The following SGCD variants were observed in gnomAD, a reference collection of about 807,000 sequenced individuals.
SGCD encodes sarcoglycan delta, also known as delta-sarcoglycan.
In SGCD, 18 loss-of-function variants were observed where a neutral mutation model predicts 36.6. That is an observed-to-expected ratio of 0.49 (90% confidence interval 0.34 to 0.73). The LOEUF (loss-of-function observed/expected upper bound fraction) is 0.73, where lower values mean the gene tolerates loss of function less well. Ranked by LOEUF, SGCD falls within the 30% of genes least tolerant of loss-of-function variation. The pLI, the probability that SGCD is intolerant of heterozygous loss-of-function variation, is 0.01. For synonymous variants in SGCD, 133 were observed against 130.6 expected (o/e 1.02, Z -0.12); for missense variants, 387 against 346.7 (o/e 1.12, Z -0.92).
chr5:156,480,480 C>G (rs1052874147), intron 3 of SGCD, among the ~76,000 whole-genome samples: 1 of 152,120 alleles, frequency 6.6e-6, no homozygotes, highest in African/African-American at 2.4e-5. Flanking sequence ...CTAATTAAAC[C>G]AACTTATTTC....
chr5:156,695,502 TA>T (rs1255183440), intron 7 of SGCD, among the ~76,000 whole-genome samples: 8 of 114,576 alleles, frequency 7.0e-5, no homozygotes, highest in Non-Finnish European at 1.1e-4. Context: ...GATAGATAGA[TA>T]GATAGATGGA....
intron 6 of SGCD, among the ~76,000 whole-genome samples, chr5:156,618,110 G>A (rs1762088734): frequency 6.6e-6 from 1 of 152,130 alleles, no homozygotes; most frequent in African/African-American, 2.4e-5. Flanking sequence ...GCATGAGAAT[G>A]GCTGAAGGAT....
chr5:155,780,410 T>C, the SGCD span, among the ~76,000 whole-genome samples: 1 of 152,194 alleles, frequency 6.6e-6, no homozygotes, highest in Non-Finnish European at 1.5e-5. Flanking sequence ...TCTTTTTCTT[T>C]CTCTGTAGCG....
At chr5:156,544,154 G>A (rs1758466240) in intron 4 of SGCD, among the ~76,000 whole-genome samples, 2 of 152,192 alleles carry the variant, frequency 1.3e-5, no homozygotes, top group Admixed American at 6.5e-5. Flanking sequence ...ATATTAGCAA[G>A]CATATCAAAG....
intron 4 of SGCD, among the ~76,000 whole-genome samples, chr5:156,519,980 A>C (rs1370014300): frequency 6.6e-6 from 1 of 152,074 alleles, no homozygotes; most frequent in East Asian, 1.9e-4. Flanking sequence ...CTCTCTCACC[A>C]CTCCTATTCA....
intron 7 of SGCD, among the ~76,000 whole-genome samples, chr5:156,679,503 C>T (rs191835131): frequency 1.3e-5 from 2 of 152,304 alleles, no homozygotes; most frequent in East Asian, 3.9e-4. Context: ...GGGCAATGCA[C>T]AGCTGTATGG....
chr5:156,579,487 G>A (rs991779816), intron 4 of SGCD, among the ~76,000 whole-genome samples: 1 of 152,112 alleles, frequency 6.6e-6, no homozygotes, highest in Non-Finnish European at 1.5e-5. Context: ...CTGTCTCGTT[G>A]ATCTGTCTAA....
chr5:156,590,071 A>G (rs2113372215), intron 5 of SGCD, among the ~76,000 whole-genome samples: 1 of 152,302 alleles, frequency 6.6e-6, no homozygotes, highest in East Asian at 1.9e-4. Flanking sequence ...GGGAAAAGGA[A>G]TGTATGTATG....
At chr5:156,342,692 A>T (rs1212526893) in intron 2 of SGCD, among the ~76,000 whole-genome samples, 1 of 152,216 alleles carries the variant, frequency 6.6e-6, no homozygotes, top group African/African-American at 2.4e-5. Flanking sequence ...AGATCCTCTT[A>T]CACCACAAAT....
chr5:156,294,372 G>A (rs781393708), intron 3 of SGCD, among the ~76,000 whole-genome samples: 30 of 152,062 alleles, frequency 2.0e-4, no homozygotes, highest in Admixed American at 8.5e-4. Context: ...CGAGGCAAGA[G>A]GATCACTTGA....
chr5:155,809,538 C>G, the SGCD span, among the ~76,000 whole-genome samples: 1 of 151,990 alleles, frequency 6.6e-6, no homozygotes, highest in African/African-American at 2.4e-5. Context: ...TTTCTAATAC[C>G]TGAATGTGTG....
At chr5:155,959,523 A>G (rs1345533999) in intron 1 of SGCD, among the ~76,000 whole-genome samples, 1 of 152,144 alleles carries the variant, frequency 6.6e-6, no homozygotes, top group Non-Finnish European at 1.5e-5. Flanking sequence ...GACTCCCCCA[A>G]CATTATGGTT....
At chr5:156,168,917 TC>T (rs1763276049) in intron 3 of SGCD, among the ~76,000 whole-genome samples, 2 of 152,242 alleles carry the variant, frequency 1.3e-5, no homozygotes, top group African/African-American at 4.8e-5. Flanking sequence ...AAGGAGCCCT[TC>T]CCAGGCACTC....
chr5:156,674,479 T>C (rs1234000256), intron 7 of SGCD, among the ~76,000 whole-genome samples: 2 of 152,180 alleles, frequency 1.3e-5, no homozygotes, highest in African/African-American at 4.8e-5. Context: ...CAACTTGATA[T>C]AAGAAAGCAG....
chr5:155,754,414 G>C, the SGCD span, among the ~76,000 whole-genome samples: 1 of 152,190 alleles, frequency 6.6e-6, no homozygotes, highest in Non-Finnish European at 1.5e-5. Flanking sequence ...ACTTGCCATG[G>C]GAGGAAAGGA....
At chr5:155,976,548 C>T (rs1257034257) in intron 1 of SGCD, among the ~76,000 whole-genome samples, 1 of 152,178 alleles carries the variant, frequency 6.6e-6, no homozygotes, top group Non-Finnish European at 1.5e-5. Flanking sequence ...CATATTCACT[C>T]GTGGAGTCTT....
chr5:156,321,432 CAAAT>C lies in SGCD; in HGVS notation c.-43-8086_-43-8083del, dbSNP rs1054948341. Among the ~76,000 whole-genome samples, 107 of 151,870 alleles carry C rather than the reference CAAAT, an allele frequency of 7.0e-4. 2 individuals are homozygous for C. The highest frequency in any genetic ancestry group is 2.4e-3 in the African/African-American group (100 of 41,406). On this transcript the variant is annotated intron_variant, in intron 3 of 9. Transcript: ENST00000517913. Reference sequence around the variant, plus strand: ...GAGACTCCGACTGAAAATAAATAAACAAATAAATAAATAAATAAACAAATAAATA... The same window carrying C: ...GAGACTCCGACTGAAAATAAATAAACAAATAAATAAATAAACAAATAAATA...
intron 3 of SGCD, among the ~76,000 whole-genome samples, chr5:156,223,293 C>G (rs1764764961): frequency 6.6e-6 from 1 of 151,994 alleles, no homozygotes; most frequent in South Asian, 2.1e-4. Flanking sequence ...AAATAGAATT[C>G]TATTAGATGA....
chr5:156,286,179 T>C (rs1363074254), intron 3 of SGCD, among the ~76,000 whole-genome samples: 4 of 152,060 alleles, frequency 2.6e-5, no homozygotes, highest in African/African-American at 9.7e-5. Context: ...AAACAACAGG[T>C]GCTAGAGAGG....
Sources: gnomAD v4.1 joint callset for allele counts (sites outside exome capture counted in the v4.1 genomes callset) on GRCh38, gnomAD v4.1.1 for gene constraint, MANE v1.5 for transcripts, NCBI Gene and HGNC (gene_info 2026-07-23, HGNC 2026-07-21) for gene names.